The following SMOC2 variants were observed in gnomAD, a reference collection of about 807,000 sequenced individuals.
SMOC2 encodes the protein SPARC related modular calcium binding 2, also known as SPARC-related modular calcium-binding protein 2.
In SMOC2, 39 loss-of-function variants were observed where a neutral mutation model predicts 61.4. That is an observed-to-expected ratio of 0.64 (90% confidence interval 0.49 to 0.83). SMOC2 has a LOEUF of 0.83. SMOC2 is among the 40% of genes least tolerant of loss of function. The pLI, the probability that SMOC2 is intolerant of heterozygous loss-of-function variation, is 0.00. For synonymous variants in SMOC2, 247 were observed against 239.9 expected, an observed-to-expected ratio of 1.03 and a Z score of -0.27; for missense variants, 556 against 592.9, an observed-to-expected ratio of 0.94 and a Z score of 0.65.
intron 4 of SMOC2, among the ~76,000 whole-genome samples, chr6:168,540,532 T>C (rs1207743449): frequency 6.8e-6 from 1 of 147,990 alleles, no homozygotes; most frequent in Non-Finnish European, 1.5e-5. Context: ...AGGTTTCGAG[T>C]GGTGAAGGTG....
intron 1 of SMOC2, among the ~76,000 whole-genome samples, chr6:168,483,221 A>T (rs1197681799): frequency 6.6e-6 from 1 of 151,962 alleles, no homozygotes; most frequent in African/African-American, 2.4e-5. Context: ...ACTTGTTAGA[A>T]CCAGTAAATG....
At chr6:168,461,190 C>T (rs929980427) in intron 1 of SMOC2, among the ~76,000 whole-genome samples, 2 of 152,142 alleles carry the variant, frequency 1.3e-5, no homozygotes, top group Admixed American at 6.5e-5. Context: ...CAGGGGTACT[C>T]CCGTTTTAAA....
intron 2 of SMOC2, among the ~76,000 whole-genome samples, chr6:168,518,792 T>C (rs910350986): frequency 9.9e-5 from 15 of 151,398 alleles, no homozygotes; most frequent in Non-Finnish European, 1.9e-4. Flanking sequence ...TGAAAGCATG[T>C]ATGTGCTTGT....
intron 1 of SMOC2, among the ~76,000 whole-genome samples, chr6:168,482,814 A>G (rs1782239027): frequency 6.6e-6 from 1 of 152,102 alleles, no homozygotes. Flanking sequence ...CGTGATCTCA[A>G]TTAGATGAAG....
intron 11 of SMOC2, among the ~76,000 whole-genome samples, chr6:168,659,778 ATTATAGGCTGAG>A (rs1787451611): frequency 3.2e-4 from 4 of 12,382 alleles, no homozygotes; most frequent in East Asian, 4.7e-3. Context: ...GAGGTTGTAG[ATTATAGGCTGAG>A]TGAGGGTGGA....
intron 1 of SMOC2, among the ~76,000 whole-genome samples, chr6:168,482,583 C>T (rs1278939108): frequency 6.6e-6 from 1 of 152,044 alleles, no homozygotes; most frequent in African/African-American, 2.4e-5. Context: ...ATTCCAATGC[C>T]AGACAAAGAC....
At chr6:168,443,105 C>T (rs1781253055) in intron 1 of SMOC2, among the ~76,000 whole-genome samples, 1 of 152,228 alleles carries the variant, frequency 6.6e-6, no homozygotes, top group East Asian at 1.9e-4. Context: ...ATAGCATTTT[C>T]TTCCAGGACT....
chr6:168,458,462 G>C (rs368245829), intron 1 of SMOC2, among the ~76,000 whole-genome samples: 1 of 152,242 alleles, frequency 6.6e-6, no homozygotes, highest in Admixed American at 6.5e-5. Context: ...CTCGCCATGG[G>C]TTTGGACCAG....
chr6:168,471,168 G>T (rs76224340), intron 1 of SMOC2, among the ~76,000 whole-genome samples: 1 of 152,074 alleles, frequency 6.6e-6, no homozygotes, highest in Non-Finnish European at 1.5e-5. Context: ...TCGCACAACC[G>T]ATATCCAGAA....
chr6:168,629,914 A>G (rs1786523021), intron 9 of SMOC2, among the ~76,000 whole-genome samples: 1 of 152,084 alleles, frequency 6.6e-6, no homozygotes, highest in South Asian at 2.1e-4. Context: ...TCCCTTTCAA[A>G]GCTTATTCTT....
At chr6:168,541,801 T>G (rs1213862343) in intron 4 of SMOC2, among the ~76,000 whole-genome samples, 3 of 152,172 alleles carry the variant, frequency 2.0e-5, no homozygotes. Context: ...GTGGACTTAT[T>G]TAAGGAAACA....
Position 168,553,253 on chromosome 6 carries a change from C to T in SMOC2, c.637+4050C>T, listed in dbSNP as rs1458110172. 6.6e-6 allele frequency among the ~76,000 whole-genome samples: 1 copy of T among 152,056 alleles called. No individual in the cohort carries two copies. The highest frequency in any genetic ancestry group is 1.9e-4 in the East Asian group (1 of 5,192). On this transcript the variant is annotated intron_variant, in intron 7 of 12. Coordinates refer to ENST00000356284, the MANE Select transcript of SMOC2 (RefSeq NM_001166412.2). This position sits in a 1 kb window ranked among gnomAD's most constrained non-coding sequence, Gnocchi z 4.2. ...AATAAACGAGTAAAATCTGAAGTTG[C>T]CTGTTACTTAAAAGTGCATTACTCA...
intron 2 of SMOC2, among the ~76,000 whole-genome samples, chr6:168,521,042 A>G (rs765691935): frequency 2.6e-5 from 4 of 152,228 alleles, no homozygotes; most frequent in African/African-American, 4.8e-5. Flanking sequence ...GTAGGGAATT[A>G]TTTGCTTTCC....
chr6:168,653,289 G>A, intron 11 of SMOC2, 61 bp downstream of exon 11: 1 of 1,547,852 alleles, frequency 6.5e-7, no homozygotes, highest in South Asian at 1.2e-5. Flanking sequence ...TGGGAGGTCT[G>A]CTTCTCACAA....
chr6:168,588,893 C>G (rs1157009030), intron 7 of SMOC2, among the ~76,000 whole-genome samples: 2 of 151,916 alleles, frequency 1.3e-5, no homozygotes, highest in African/African-American at 4.8e-5. Flanking sequence ...AGTTCGAGAC[C>G]AGCCTGGCCA....
intron 11 of SMOC2, among the ~76,000 whole-genome samples, chr6:168,661,181 A>G (rs1310847777): frequency 6.6e-6 from 1 of 152,208 alleles, no homozygotes; most frequent in Admixed American, 6.5e-5. Flanking sequence ...ATAGTTTACA[A>G]TAGTGAAAAG....
At chr6:168,640,668 T>C (rs1358251913) in intron 9 of SMOC2, among the ~76,000 whole-genome samples, 4 of 152,076 alleles carry the variant, frequency 2.6e-5, no homozygotes, top group Non-Finnish European at 5.9e-5. Context: ...AGGTTTATGG[T>C]TTAAAAACAT....
chr6:168,491,990 C>T (rs1027351741), intron 1 of SMOC2, among the ~76,000 whole-genome samples: 26 of 152,174 alleles, frequency 1.7e-4, no homozygotes, highest in East Asian at 9.6e-4. Flanking sequence ...CATTTTCTCA[C>T]TTTAGAAGGA....
chr6:168,637,333 T>G (rs1348364542), intron 9 of SMOC2, among the ~76,000 whole-genome samples: 1 of 152,084 alleles, frequency 6.6e-6, no homozygotes, highest in Non-Finnish European at 1.5e-5. Context: ...GTGGGGAAGG[T>G]CATCACTGTT....
Sources: allele counts gnomAD v4.1 joint callset (sites outside exome capture counted in the v4.1 genomes callset), GRCh38; gene constraint gnomAD v4.1.1; non-coding constraint Gnocchi (gnomAD v3.1); transcripts MANE v1.5; gene names NCBI Gene and HGNC (gene_info 2026-07-23, HGNC 2026-07-21).